The following GALNT13 variants were observed in gnomAD, a reference collection of about 807,000 sequenced individuals.
GALNT13 encodes the protein UDP-GalNAc:polypeptide N-acetylgalactosaminyltransferase 13.
GALNT13 carries 28 observed loss-of-function variants against 64.2 expected under a neutral mutation model. The ratio of observed to expected loss-of-function variants is 0.44; its 90% CI spans 0.32 to 0.60. The LOEUF is 0.60. Ranked by LOEUF, GALNT13 falls within the 20% of genes least tolerant of loss-of-function variation. The pLI is 0.05. For synonymous variants in GALNT13, 214 were observed against 224.6 expected (o/e 0.95, Z 0.42); for missense variants, 577 against 669.8 (o/e 0.86, Z 1.53).
chr2:154,303,225 C>T (rs1192600528), intron 9 of GALNT13, among the ~76,000 whole-genome samples: 1 of 151,678 alleles, frequency 6.6e-6, no homozygotes, highest in African/African-American at 2.4e-5. Flanking sequence ...AGAGGGCTTC[C>T]GAAAGGGAAA....
chr2:153,448,739 C>T, the GALNT13 span, among the ~76,000 whole-genome samples: 6 of 152,064 alleles, frequency 3.9e-5, no homozygotes, highest in Non-Finnish European at 5.9e-5. Context: ...TTTTCAGGAC[C>T]CCTTACTATC....
At chr2:153,269,732 A>ACT in the GALNT13 span, among the ~76,000 whole-genome samples, 126,268 of 151,960 alleles carry the variant, frequency 0.83, 53,712 homozygotes, top group African/African-American at 0.93. Context: ...AGTTTAATTG[A>ACT]CACACTTCTT....
chr2:153,130,807 AT>A, the GALNT13 span, among the ~76,000 whole-genome samples: 4 of 152,170 alleles, frequency 2.6e-5, no homozygotes, highest in African/African-American at 9.6e-5. Context: ...GCTAGATTAG[AT>A]TGCATTTCCT....
intron 3 of GALNT13, among the ~76,000 whole-genome samples, chr2:154,000,056 G>A (rs1695796880): frequency 6.6e-6 from 1 of 151,864 alleles, no homozygotes; most frequent in Non-Finnish European, 1.5e-5. Context: ...TAGCAGTTAG[G>A]CAAGAGAAAG....
chr2:154,069,886 G>A (rs1351281274), intron 3 of GALNT13, among the ~76,000 whole-genome samples: 4 of 152,014 alleles, frequency 2.6e-5, no homozygotes, highest in African/African-American at 9.7e-5. Flanking sequence ...CAAGTAACTA[G>A]CACATTTCAA....
At chr2:153,369,421 TA>T in the GALNT13 span, among the ~76,000 whole-genome samples, 15 of 147,032 alleles carry the variant, frequency 1.0e-4, no homozygotes, top group South Asian at 3.2e-3. Flanking sequence ...TTAGACTGTC[TA>T]AAAAAATAAG....
rs1371225237 is a variant in GALNT13, at chr2:154,245,882, A to G, written c.757A>G (p.Met253Val). 3 of 1,612,998 alleles carry G rather than the reference A, an allele frequency of 1.9e-6. No individual in the cohort carries two copies. Among genetic ancestry groups the G allele is most frequent in the Non-Finnish European group, 2.5e-6 (3 of 1,179,220 alleles). ...TTTTGAATATATGGCTGGGTCAGAC[A>G]TGACTTATGGGGGTTTTAACTGGAA... ...DTFEYMAGSD[M>V]TYGGFNWKLN... The change falls in exon 7 of 13, where the codon ATG (methionine) becomes GTG (valine). Residue 253 changes from methionine to valine, a missense_variant. Met to Val is a conservative substitution (Grantham distance 21, BLOSUM62 1). Transcript: ENST00000392825.
At chr2:153,818,793 T>A in the GALNT13 span, among the ~76,000 whole-genome samples, 1 of 152,138 alleles carries the variant, frequency 6.6e-6, no homozygotes, top group Non-Finnish European at 1.5e-5. Flanking sequence ...CCCTGCTCCA[T>A]CTGAGCATTT....
chr2:153,119,210 G>A, the GALNT13 span, among the ~76,000 whole-genome samples: 10 of 152,004 alleles, frequency 6.6e-5, no homozygotes, highest in Admixed American at 5.9e-4. Flanking sequence ...GTCTTTATGA[G>A]CAGCATGAGA....
At chr2:154,038,290 C>A (rs12052637) in intron 3 of GALNT13, among the ~76,000 whole-genome samples, 2 of 151,920 alleles carry the variant, frequency 1.3e-5, no homozygotes, top group African/African-American at 2.4e-5. Flanking sequence ...TGAATTGAAC[C>A]ACAAAACACT....
At chr2:153,475,012 T>C in the GALNT13 span, among the ~76,000 whole-genome samples, 20 of 152,202 alleles carry the variant, frequency 1.3e-4, no homozygotes, top group Non-Finnish European at 2.2e-4. Flanking sequence ...CGACACTCCA[T>C]AAATTCTGAG....
At chr2:154,204,018 C>CTA (rs1490474441) in intron 4 of GALNT13, among the ~76,000 whole-genome samples, 2 of 152,278 alleles carry the variant, frequency 1.3e-5, no homozygotes, top group African/African-American at 4.8e-5. Context: ...ACCTCTTTAA[C>CTA]TATATCTCTG....
intron 8 of GALNT13, among the ~76,000 whole-genome samples, chr2:154,278,842 T>A (rs962671908): frequency 2.0e-5 from 3 of 151,954 alleles, no homozygotes; most frequent in Admixed American, 1.3e-4. Context: ...TGCCCGCAAA[T>A]AAGAAGGAAA....
the GALNT13 span, among the ~76,000 whole-genome samples, chr2:153,763,820 AG>A: frequency 6.6e-6 from 1 of 152,142 alleles, no homozygotes; most frequent in African/African-American, 2.4e-5. Flanking sequence ...AATGTGGGAA[AG>A]TTTAGAGCTT....
chr2:154,323,818 A>C (rs1281585123), intron 9 of GALNT13, among the ~76,000 whole-genome samples: 1 of 152,002 alleles, frequency 6.6e-6, no homozygotes, highest in Admixed American at 6.6e-5. Context: ...ACGTATTCTT[A>C]TGGACATATG....
At chr2:153,460,460 C>T in the GALNT13 span, among the ~76,000 whole-genome samples, 2 of 152,172 alleles carry the variant, frequency 1.3e-5, no homozygotes, top group South Asian at 2.1e-4. Flanking sequence ...AGATAGTTTT[C>T]AGTTGTTTGT....
chr2:154,200,333 T>C (rs1339439332), intron 4 of GALNT13, among the ~76,000 whole-genome samples: 8 of 151,730 alleles, frequency 5.3e-5, no homozygotes, highest in Non-Finnish European at 1.0e-4. Flanking sequence ...TTAAGGGGAA[T>C]ATCCCACCAA....
At chr2:153,617,905 CTTTTTCATCT>C in the GALNT13 span, among the ~76,000 whole-genome samples, 1 of 151,650 alleles carries the variant, frequency 6.6e-6, no homozygotes, top group Non-Finnish European at 1.5e-5. Context: ...GTAATGTCTC[CTTTTTCATCT>C]TTTTTCATCT....
chr2:153,303,532 C>A, the GALNT13 span, among the ~76,000 whole-genome samples: 11 of 152,064 alleles, frequency 7.2e-5, no homozygotes, highest in African/African-American at 1.9e-4. Context: ...AATTTAGATA[C>A]CTTTTGTTTC....
Sources: gnomAD v4.1 joint callset for allele counts (sites outside exome capture counted in the v4.1 genomes callset) on GRCh38, gnomAD v4.1.1 for gene constraint, MANE v1.5 for transcripts, NCBI Gene and HGNC (gene_info 2026-07-23, HGNC 2026-07-21) for gene names.